Variants in FAM53B observed in about 807,000 individuals in gnomAD.
FAM53B encodes protein FAM53B.
In FAM53B, 12 loss-of-function variants were observed where a neutral mutation model predicts 32.7. The ratio of observed to expected loss-of-function variants is 0.37; its 90% confidence interval spans 0.24 to 0.59. The LOEUF is 0.59. Ranked by LOEUF, FAM53B falls within the 20% of genes least tolerant of loss-of-function variation. FAM53B has a pLI of 0.72. For synonymous variants in FAM53B, 234 were observed against 228.7 expected (o/e 1.02, Z -0.21); for missense variants, 477 against 577.7 (o/e 0.83, Z 1.79).
chr10:124,727,173 A>C (rs938005308), intron 1 of FAM53B, among the ~76,000 whole-genome samples: 1 of 151,998 alleles, frequency 6.6e-6, no homozygotes, highest in Non-Finnish European at 1.5e-5. Context: ...GCATGCCATA[A>C]CACCCGGCTA....
chr10:124,647,298 G>A (rs1949523177), intron 4 of FAM53B, among the ~76,000 whole-genome samples: 1 of 152,146 alleles, frequency 6.6e-6, no homozygotes, highest in African/African-American at 2.4e-5. Flanking sequence ...AGAAAGCCAC[G>A]GCAAATCTCC....
Position 124,687,456 on chromosome 10 carries a change from T to G in FAM53B, c.134-5077A>C, listed in dbSNP as rs148427602. On this transcript the variant is annotated intron_variant, in intron 3 of 4. Transcript: ENST00000337318. ...GTTACTCAGTTCCTCGTAGCTATTATGAGAATTAAATAGGCATCTCATACA... is the reference window on the plus strand; with the variant it reads ...GTTACTCAGTTCCTCGTAGCTATTAGGAGAATTAAATAGGCATCTCATACA... 2.5e-3 allele frequency among the ~76,000 whole-genome samples: 384 copies of G among 152,342 alleles called. 3 individuals carry two copies. Among genetic ancestry groups the G allele is most frequent in the African/African-American group, 8.9e-3 (368 of 41,576 alleles).
chr10:124,699,864 C>A (rs1362523827), intron 2 of FAM53B, among the ~76,000 whole-genome samples: 1 of 152,222 alleles, frequency 6.6e-6, no homozygotes, highest in African/African-American at 2.4e-5. Context: ...CTTCTAAAGT[C>A]CTCCCAGCTG....
At chr10:124,695,956 G>A (rs570151113) in intron 3 of FAM53B, among the ~76,000 whole-genome samples, 15 of 152,120 alleles carry the variant, frequency 9.9e-5, no homozygotes, top group Non-Finnish European at 2.2e-4. Context: ...TCTCAATGTT[G>A]GAGTTGTAAA....
chr10:124,693,622 AC>A (rs1255654042), intron 3 of FAM53B, among the ~76,000 whole-genome samples: 2 of 152,034 alleles, frequency 1.3e-5, no homozygotes, highest in Non-Finnish European at 2.9e-5. Flanking sequence ...GACTGCTGAC[AC>A]CCGCTCCGCT....
intron 4 of FAM53B, among the ~76,000 whole-genome samples, chr10:124,640,430 G>T (rs961980616): frequency 1.3e-5 from 2 of 152,210 alleles, no homozygotes; most frequent in African/African-American, 4.8e-5. Flanking sequence ...TGAAGAATGT[G>T]CAGGGCTTGG....
At chr10:124,677,119 G>A (rs773653007) in intron 4 of FAM53B, among the ~76,000 whole-genome samples, 67 of 152,192 alleles carry the variant, frequency 4.4e-4, no homozygotes, top group Non-Finnish European at 8.5e-4. Flanking sequence ...CATTCAATGG[G>A]TGAACTTTTT....
chr10:124,727,179 G>C (rs772559553), intron 1 of FAM53B, among the ~76,000 whole-genome samples: 1 of 151,880 alleles, frequency 6.6e-6, no homozygotes, highest in African/African-American at 2.4e-5. Flanking sequence ...CATAACACCC[G>C]GCTAATTTTT....
At chr10:124,644,758 G>T (rs74970499) in intron 4 of FAM53B, among the ~76,000 whole-genome samples, 2,935 of 152,296 alleles carry the variant, frequency 0.019, 70 homozygotes, top group Non-Finnish European at 0.031. Context: ...CAGCAGGGAT[G>T]GGCATGGGGG....
intron 2 of FAM53B, 34 bp from the exon 3 acceptor site, chr10:124,696,246 A>C (rs751874221): frequency 6.3e-7 from 1 of 1,590,938 alleles, no homozygotes; most frequent in African/African-American, 1.3e-5. Flanking sequence ...TCACTCTTCA[A>C]ATCATAGGAA....
intron 4 of FAM53B, among the ~76,000 whole-genome samples, chr10:124,634,459 A>G (rs1048949686): frequency 1.3e-5 from 2 of 152,234 alleles, no homozygotes; most frequent in African/African-American, 4.8e-5. Context: ...AAGGTAACTG[A>G]ATCATGGGGG....
intron 3 of FAM53B, among the ~76,000 whole-genome samples, chr10:124,687,688 G>A (rs1949810918): frequency 6.6e-6 from 1 of 152,144 alleles, no homozygotes; most frequent in South Asian, 2.1e-4. Flanking sequence ...CATCCTTTGG[G>A]GGTGTTTGTT....
At chr10:124,643,747 G>C (rs3781464) in intron 4 of FAM53B, among the ~76,000 whole-genome samples, 5,832 of 152,314 alleles carry the variant, frequency 0.038, 177 homozygotes, top group East Asian at 0.14. Context: ...TCCCCCACAG[G>C]GCTGCCCCCA....
At chr10:124,709,577 C>T (rs150841936) in intron 1 of FAM53B, among the ~76,000 whole-genome samples, 2 of 152,156 alleles carry the variant, frequency 1.3e-5, no homozygotes, top group Non-Finnish European at 1.5e-5. Context: ...GGACATTCAT[C>T]GGAGGTAGGC....
chr10:124,736,870 G>C (rs902700979), intron 1 of FAM53B, among the ~76,000 whole-genome samples: 2 of 152,268 alleles, frequency 1.3e-5, no homozygotes, highest in African/African-American at 2.4e-5. Flanking sequence ...ACCCAGGCAG[G>C]AGTTGCCAGG....
intron 1 of FAM53B, among the ~76,000 whole-genome samples, chr10:124,737,243 T>C (rs1054357635): frequency 7.9e-5 from 12 of 151,824 alleles, no homozygotes; most frequent in Non-Finnish European, 4.4e-5. Context: ...CAAACCCAAC[T>C]CCCCACAGGG....
In FAM53B at chr10:124,623,997, C is replaced by G. The variant is rs146672100; in HGVS notation, c.907-393G>C. 11 of 187,958 alleles carry G rather than the reference C, an allele frequency of 5.9e-5. No homozygotes were observed. In the East Asian group the frequency reaches 1.6e-3, roughly 27 times the overall value. The allele number at this position is 187,958 out of a possible 1,614,324, so 11.6% of individuals were successfully genotyped here. On this transcript the variant is annotated intron_variant, in intron 4 of 4. Transcript: ENST00000337318. ...GTAATTTCACTACTTGGATTTTTATCTTAAGAAAACATTCTAAGATGTGTG... is the reference window on the plus strand; with the variant it reads ...GTAATTTCACTACTTGGATTTTTATGTTAAGAAAACATTCTAAGATGTGTG...
intron 4 of FAM53B, chr10:124,667,253 G>A (rs1949678298): frequency 3.4e-6 from 2 of 586,876 alleles, no homozygotes; most frequent in Admixed American, 3.2e-5. Context: ...GGAAATACTG[G>A]GTTAAATATA....
At chr10:124,644,432 G>A (rs775536718) in intron 4 of FAM53B, among the ~76,000 whole-genome samples, 16 of 152,276 alleles carry the variant, frequency 1.1e-4, no homozygotes, top group Non-Finnish European at 1.8e-4. Context: ...CTCACTGCCC[G>A]CCCTCCTTCC....
Sources: allele counts gnomAD v4.1 joint callset (sites outside exome capture counted in the v4.1 genomes callset), GRCh38; gene constraint gnomAD v4.1.1; transcripts MANE v1.5; gene names NCBI Gene and HGNC (gene_info 2026-07-23, HGNC 2026-07-21).